REX1BD: variants seen among roughly 807,000 people sequenced by gnomAD.
REX1BD encodes the protein required for excision 1-B domain containing.
A neutral mutation model predicts 24.4 loss-of-function variants in REX1BD; 22 were observed. The observed-to-expected ratio is 0.90, with a 90% confidence interval of 0.64 to 1.29. The LOEUF (loss-of-function observed/expected upper bound fraction) is 1.29, where lower values mean the gene tolerates loss of function less well. Ranked by LOEUF, REX1BD falls within the 50% of genes most tolerant of loss-of-function variation. The pLI is 0.00. For synonymous variants in REX1BD, 146 were observed against 125.9 expected (o/e 1.16, Z -1.07); for missense variants, 293 against 285.3 (o/e 1.03, Z -0.19).
In REX1BD at chr19:18,589,693, C is replaced by T. The variant is rs543525254; in HGVS notation, c.453+10C>T. On this transcript the variant is annotated intron_variant, in intron 3 of 4. Transcript: ENST00000358607. ...GACGCGGCTGGGCACGGTGAGGCCA[C>T]CACCCCTTCCCCGCCGTGTCTCTAG... 6.9e-7 allele frequency: 1 copy of T among 1,458,098 alleles called. No individual in the cohort carries two copies. The highest frequency in any genetic ancestry group is 9.0e-7 in the Non-Finnish European group (1 of 1,114,332). 90.3% of individuals were successfully genotyped at this position (1,458,098 alleles called of 1,614,324 possible).
chr19:18,590,679 C>G (rs1976022296), intron 3 of REX1BD, 175 bp from the exon 4 acceptor site: 2 of 595,704 alleles, frequency 3.4e-6, no homozygotes, highest in East Asian at 3.1e-5. Flanking sequence ...TGTCTCCTTT[C>G]TGAGAGAGCC....
rs1035037003 is a variant in REX1BD, at chr19:18,592,270, G to C, written c.*90G>C. The C allele has an allele frequency of 7.2e-7, 1 of 1,392,930 alleles. No individual in the cohort carries two copies. Among genetic ancestry groups the C allele is most frequent in the Non-Finnish European group, 1.0e-6 (1 of 986,778 alleles). 86.3% of individuals were successfully genotyped at this position (1,392,930 alleles called of 1,614,324 possible). A position where few individuals can be genotyped will look rare whatever the true frequency, so the allele number is the denominator to read the frequency against. On this transcript the variant is annotated 3_prime_UTR_variant, in exon 5 of 5. Transcript: ENST00000358607. ...CTAACTGCCAGCTGGCTGGGGTTGCGCCCCACTGCGCTGCTGACCTTCCTG... is the reference window on the plus strand; with the variant it reads ...CTAACTGCCAGCTGGCTGGGGTTGCCCCCCACTGCGCTGCTGACCTTCCTG...
In REX1BD at chr19:18,588,976, C is replaced by T; in HGVS notation, c.100-19C>T. On this transcript the variant is annotated intron_variant, in intron 1 of 4. Coordinates refer to ENST00000358607, the MANE Select transcript of REX1BD (RefSeq NM_001100418.2). The stretch of plus-strand genomic sequence containing the variant: ...AGGGGCGCGGGCTTCATGCCCCAGC[C>T]GTGCCCCCTGTCCCGCAGAAAGACG... 1 of 1,525,948 alleles carries T rather than the reference C, an allele frequency of 6.6e-7. No individual in the cohort carries two copies. Among genetic ancestry groups the T allele is most frequent in the East Asian group, 2.5e-5 (1 of 40,396 alleles). The allele number at this position is 1,525,948 out of a possible 1,614,324, so 94.5% of individuals were successfully genotyped here. A position where few individuals can be genotyped will look rare whatever the true frequency, so the allele number is the denominator to read the frequency against.
intron 4 of REX1BD, chr19:18,591,145 A>G (rs1287287453): frequency 2.0e-6 from 1 of 489,112 alleles, no homozygotes; most frequent in African/African-American, 2.0e-5. Context: ...ACCTCGACAC[A>G]TGCCAATCCT....
intron 3 of REX1BD, chr19:18,590,637 A>G: frequency 3.8e-6 from 2 of 520,630 alleles, no homozygotes; most frequent in South Asian, 4.6e-5. Context: ...CCACGCCCAC[A>G]TCGCGCTCAG....
chr19:18,589,444 TG>T lies in REX1BD; in HGVS notation c.219del (p.Arg74AlafsTer34). On this transcript the variant is annotated frameshift_variant, in exon 3 of 5. Transcript: ENST00000358607. LOFTEE classifies it high-confidence loss of function. ...GGCGCCGGTGCAGGGCCTGAGAGCC[TG>T]GGGGCGCGGCCTCAGGGTCCCCACA... Reference protein sequence around the residue: ...WLAPVQGLRAWGRGLRVPTCR... With the variant: ...WLAPVQGLRAXGRGLRVPTCR... 3 of 1,558,658 alleles carry T rather than the reference TG, an allele frequency of 1.9e-6. No homozygotes were observed. The highest frequency in any genetic ancestry group is 1.7e-6 in the Non-Finnish European group (2 of 1,151,930).
At position 18,592,273 on chromosome 19, in the gene REX1BD, C is replaced by T. The variant is rs1417759270; in HGVS notation, c.*93C>T. ...ACTGCCAGCTGGCTGGGGTTGCGCC[C>T]CACTGCGCTGCTGACCTTCCTGCAG... is the stretch of plus-strand genomic sequence containing the variant. On this transcript the variant is annotated 3_prime_UTR_variant, in exon 5 of 5. Transcript: ENST00000358607. 1 of 1,394,098 alleles carries T rather than the reference C, an allele frequency of 7.2e-7. No individual in the cohort carries two copies. Among genetic ancestry groups the T allele is most frequent in the Non-Finnish European group, 1.0e-6 (1 of 988,162 alleles). 86.4% of individuals were successfully genotyped at this position (1,394,098 alleles called of 1,614,324 possible).
Position 18,588,877 on chromosome 19 carries a change from C to T in REX1BD, c.76C>T (p.Arg26Cys). The change falls in exon 1 of 5, where the codon CGC becomes TGC. Residue 26 changes from arginine to cysteine, a missense_variant. Coordinates refer to ENST00000358607, the MANE Select transcript of REX1BD (RefSeq NM_001100418.2). The part of the protein sequence containing the change: ...AAEEATEARG[R>C]EEPAWPWKDA... ...TGAGGAGGCCACCGAAGCTCGGGGA[C>T]GCGAGGAGCCGGCGTGGCCCTGGGT... The T allele has an allele frequency of 6.5e-7, 1 of 1,532,556 alleles. No homozygotes were observed. Among genetic ancestry groups the T allele is most frequent in the Non-Finnish European group, 8.7e-7 (1 of 1,145,750 alleles). The allele number at this position is 1,532,556 out of a possible 1,614,324, so 94.9% of individuals were successfully genotyped here. A position where few individuals can be genotyped will look rare whatever the true frequency, so the allele number is the denominator to read the frequency against.
At chr19:18,590,547 C>T in intron 3 of REX1BD, 1 of 300,030 alleles carries the variant, frequency 3.3e-6, no homozygotes, top group Admixed American at 5.0e-5. Flanking sequence ...ATCCTGGGTC[C>T]CCGTCCCTGG....
intron 3 of REX1BD, 86 bp downstream of exon 3, chr19:18,589,769 A>G: frequency 7.0e-7 from 1 of 1,424,218 alleles, no homozygotes. Flanking sequence ...GGGTGGTCCC[A>G]GTATCCCATA....
rs186214962 is a variant in REX1BD at position 18,592,298 on chromosome 19, G to C, written c.*118G>C. The C allele has an allele frequency of 1.2e-3, 1,234 of 1,064,470 alleles. 12 individuals are homozygous for C. The African/African-American group carries it at 0.017, about 15-fold the overall frequency. The allele number at this position is 1,064,470 out of a possible 1,614,324, so 65.9% of individuals were successfully genotyped here. On this transcript the variant is annotated 3_prime_UTR_variant, in exon 5 of 5. Transcript: ENST00000358607. ...CCACTGCGCTGCTGACCTTCCTGCA[G>C]TTCCAGACACCTCCCACAATAAAGA...
intron 2 of REX1BD, 92 bp downstream of exon 2, chr19:18,589,169 G>C (rs1975981147): frequency 2.7e-6 from 4 of 1,477,644 alleles, no homozygotes; most frequent in Non-Finnish European, 3.6e-6. Context: ...AGGAGGAGCT[G>C]GGTCCTTGTG....
At chr19:18,589,391 A>T (rs1975987984) in intron 2 of REX1BD, 22 bp from the exon 3 acceptor site, 3 of 1,554,722 alleles carry the variant, frequency 1.9e-6, no homozygotes, top group African/African-American at 2.7e-5. Context: ...GTGTCTGGGG[A>T]CACTTCCTGG....
intron 2 of REX1BD, 139 bp from the exon 3 acceptor site, chr19:18,589,270 GACTC>G: frequency 1.3e-6 from 2 of 1,537,234 alleles, no homozygotes; most frequent in South Asian, 1.2e-5. Context: ...ACTACCCGAC[GACTC>G]ACTCTTCGTG....
chr19:18,590,816 C>G (rs1482538284), intron 3 of REX1BD, 38 bp from the exon 4 acceptor site: 12 of 1,572,250 alleles, frequency 7.6e-6, no homozygotes, highest in Admixed American at 1.8e-5. Flanking sequence ...GGGTTCTGCT[C>G]GTGGAGACAT....
rs777863856 is a variant in REX1BD at position 18,589,576 on chromosome 19, C to T, written c.346C>T (p.Arg116Trp). Residue 116 changes from arginine (R) to tryptophan (W), a missense_variant, in exon 3 of 5, where the codon CGG becomes TGG. Transcript: ENST00000358607. ...GACCCAGGCCTTCGCCGCCGCCTCG[C>T]GGGAGGTGCTGGCGGTGGAAGCAGA... ...GVTQAFAAAS[R>W]EVLAVEAELG... is the part of the protein sequence containing the mutation. 1.9e-6 allele frequency: 3 copies of T among 1,559,750 alleles called. No individual in the cohort carries two copies. The highest frequency in any genetic ancestry group is 2.3e-5 in the South Asian group (2 of 86,048).
intron 3 of REX1BD, 96 bp downstream of exon 3, chr19:18,589,779 A>C: frequency 7.1e-7 from 1 of 1,400,712 alleles, no homozygotes. Context: ...AGTATCCCAT[A>C]CACAGACCTC....
intron 4 of REX1BD, chr19:18,591,216 T>A (rs116873325): frequency 2.9e-6 from 1 of 348,426 alleles, no homozygotes; most frequent in Admixed American, 4.6e-5. Flanking sequence ...TTCAGATGCC[T>A]GTCCTCAGCC....
In REX1BD at chr19:18,589,503, C is replaced by A. The variant is rs1975991808; in HGVS notation, c.273C>A (p.Ser91Arg). Residue 91 changes from serine to arginine, a missense_variant, in exon 3 of 5, where the codon AGC becomes AGA. Transcript: ENST00000358607. The stretch of plus-strand genomic sequence containing the variant: ...GAGGCCACCGCCAGTACCTGCGCAG[C>A]GGCCCTGACTACGACTTCGCGCGCT... ...CRRGHRQYLR[S>R]GPDYDFARYR... The A allele has an allele frequency of 6.4e-7, 1 of 1,571,486 alleles. No homozygotes were observed. Among genetic ancestry groups the A allele is most frequent in the African/African-American group, 1.4e-5 (1 of 74,026 alleles).
Sources: allele counts gnomAD v4.1 joint callset, GRCh38; gene constraint gnomAD v4.1.1; transcripts MANE v1.5; gene names NCBI Gene and HGNC (gene_info 2026-07-23, HGNC 2026-07-21).